Variants in CYB5RL observed in about 807,000 individuals in gnomAD.
The protein encoded by CYB5RL is cytochrome b5 reductase like, also known as NADH-cytochrome b5 reductase-like.
A neutral mutation model predicts 37.5 loss-of-function variants in CYB5RL; 38 were observed. The observed-to-expected ratio is 1.01, with a 90% confidence interval of 0.78 to 1.33. The LOEUF is 1.33. Among genes scored for constraint, CYB5RL ranks in the 40% most tolerant of loss-of-function variants. CYB5RL has a pLI of 0.00. For missense variants in CYB5RL, 388 were observed against 394.4 expected (o/e 0.98, Z 0.14); for synonymous variants, 141 against 151.9 (o/e 0.93, Z 0.53).
chr1:54,187,697 G>A lies in CYB5RL; in HGVS notation c.390C>T (p.Pro130=). Residue 130 remains proline (P), a synonymous_variant, in exon 5 of 8, where the codon CCC becomes CCT. Coordinates refer to ENST00000534324, the MANE Select transcript of CYB5RL (RefSeq NM_001031672.4). The stretch of plus-strand genomic sequence containing the variant: ...ATCCTTCTGCGTTGGCAGGGCTGAT[G>A]GGCGTATAGGCTCTCTGAATTTCTA... ...DDLEIQRAYT[P]ISPANAEGYF... is the part of the protein sequence containing the mutation. 2 of 1,613,992 alleles carry A rather than the reference G, an allele frequency of 1.2e-6. No homozygotes were observed. Among genetic ancestry groups the A allele is most frequent in the Admixed American group, 1.7e-5 (1 of 60,008 alleles).
In CYB5RL at chr1:54,194,169, A is replaced by T. The variant is rs183289596; in HGVS notation, c.198+1250T>A. ...GTGGATCACCTAAGTTCAGGAGTTC[A>T]AGACCAGCCTGGCCAACATGGTGAA... On this transcript the variant is annotated intron_variant, in intron 3 of 7. Coordinates refer to ENST00000534324, the MANE Select transcript of CYB5RL (RefSeq NM_001031672.4). 7.2e-4 allele frequency among the ~76,000 whole-genome samples: 109 copies of T among 151,220 alleles called. 1 individual carries two copies. In the East Asian group the frequency reaches 0.018, roughly 24 times the overall value.
chr1:54,198,027 CAAAAAAAAAAAAAAAAAAA>C (rs575486117), intron 1 of CYB5RL, among the ~76,000 whole-genome samples: 1 of 78,514 alleles, frequency 1.3e-5, no homozygotes, highest in Non-Finnish European at 2.5e-5. Flanking sequence ...GACTCTGTCT[CAAAAAAAAAAAAAAAAAAA>C]AAAAAAAAAA....
Position 54,174,613 on chromosome 1 carries a change from C to T in CYB5RL, c.*6G>A, listed in dbSNP as rs375961783. ...CATGGCCTAGGCTTTGGAAGAGAGGCCAGGGCTAGAAGAGGAAATAGGAGT... is the reference window on the plus strand; with the variant it reads ...CATGGCCTAGGCTTTGGAAGAGAGGTCAGGGCTAGAAGAGGAAATAGGAGT... On this transcript the variant is annotated 3_prime_UTR_variant, in exon 8 of 8. Transcript: ENST00000534324. 1.5e-4 allele frequency: 248 copies of T among 1,602,188 alleles called. No individual in the cohort carries two copies. The highest frequency in any genetic ancestry group is 1.6e-4 in the Non-Finnish European group (186 of 1,175,048).
intron 3 of CYB5RL, among the ~76,000 whole-genome samples, chr1:54,193,314 G>T (rs1202663751): frequency 6.6e-6 from 1 of 152,256 alleles, no homozygotes; most frequent in East Asian, 1.9e-4. Context: ...TTGGCAAGAA[G>T]ATGGACGATA....
At chr1:54,189,757 T>TGAACTTCTAG (rs1221408172) in intron 4 of CYB5RL, among the ~76,000 whole-genome samples, 6 of 152,082 alleles carry the variant, frequency 3.9e-5, no homozygotes, top group African/African-American at 1.4e-4. Context: ...ACTGGGATAG[T>TGAACTTCTAG]GAACTTCTAG....
chr1:54,188,690 C>T lies in CYB5RL; in HGVS notation c.348-951G>A, dbSNP rs945933834. Among the ~76,000 whole-genome samples, 16 of 152,314 alleles carry T rather than the reference C, an allele frequency of 1.1e-4. 1 individual carries two copies. The highest frequency in any genetic ancestry group is 3.8e-4 in the African/African-American group (16 of 41,578). ...GCTTAGAGAAGGGAAGTCACTTGCA[C>T]AGCTCAAATTCAATCACAGCTCTAA... On this transcript the variant is annotated intron_variant, in intron 4 of 7. Coordinates refer to ENST00000534324, the MANE Select transcript of CYB5RL (RefSeq NM_001031672.4).
At chr1:54,175,783 T>C (rs1335595048) in intron 7 of CYB5RL, 2 of 264,932 alleles carry the variant, frequency 7.5e-6, no homozygotes, top group Non-Finnish European at 8.0e-6. Context: ...TATTATAATT[T>C]AGAGATAATT....
chr1:54,190,013 C>T (rs942741772), intron 4 of CYB5RL, among the ~76,000 whole-genome samples: 5 of 152,364 alleles, frequency 3.3e-5, no homozygotes, highest in Admixed American at 1.3e-4. Flanking sequence ...TGCCACTCAG[C>T]TATGTGCCAA....
At chr1:54,176,879 G>T (rs1033695367) in intron 7 of CYB5RL, among the ~76,000 whole-genome samples, 1 of 152,164 alleles carries the variant, frequency 6.6e-6, no homozygotes, top group Non-Finnish European at 1.5e-5. Context: ...GGGGGCTCTA[G>T]GAAAGCTTCC....
chr1:54,199,375 T>A (rs1644052709), intron 1 of CYB5RL, among the ~76,000 whole-genome samples: 1 of 152,228 alleles, frequency 6.6e-6, no homozygotes. Context: ...AAACAGATGG[T>A]ACGGTAGTGT....
intron 1 of CYB5RL, among the ~76,000 whole-genome samples, chr1:54,197,281 AGCTGCTCATAAAC>A (rs1644016026): frequency 6.6e-6 from 1 of 151,396 alleles, no homozygotes; most frequent in Non-Finnish European, 1.5e-5. Flanking sequence ...TGCTCATAAA[AGCTGCTCATAAAC>A]ACTTTTCTTT....
rs1659930593 is a variant in CYB5RL, at chr1:54,173,016, A to C, written c.*1603T>G. ...ATAAGCTTGAAAAACTCTGGATTAAACAAAATGAAAGGAGTTTCTTTGCCA... is the reference window on the plus strand; with the variant it reads ...ATAAGCTTGAAAAACTCTGGATTAACCAAAATGAAAGGAGTTTCTTTGCCA... On this transcript the variant is annotated 3_prime_UTR_variant, in exon 8 of 8. Coordinates refer to ENST00000534324, the MANE Select transcript of CYB5RL (RefSeq NM_001031672.4). The C allele has an allele frequency of 6.6e-6, 1 of 152,170 alleles. No individual in the cohort carries two copies. Among genetic ancestry groups the C allele is most frequent in the Non-Finnish European group, 1.5e-5 (1 of 68,050 alleles). 9.4% of individuals were successfully genotyped at this position (152,170 alleles called of 1,614,324 possible). A position where few individuals can be genotyped will look rare whatever the true frequency, so the allele number is the denominator to read the frequency against.
chr1:54,178,301 G>C (rs138742762), intron 7 of CYB5RL, among the ~76,000 whole-genome samples: 2,967 of 152,240 alleles, frequency 0.019, 96 homozygotes, highest in Admixed American at 0.08. Flanking sequence ...GATGAGAATG[G>C]TACCCCACAG....
At chr1:54,183,215 C>G (rs12068369) in intron 6 of CYB5RL, among the ~76,000 whole-genome samples, 1 of 152,114 alleles carries the variant, frequency 6.6e-6, no homozygotes, top group African/African-American at 2.4e-5. Flanking sequence ...GTACCTGTAG[C>G]CCGGTTTACC....
intron 6 of CYB5RL, chr1:54,180,106 G>A (rs1459050086): frequency 6.9e-6 from 3 of 434,388 alleles, no homozygotes; most frequent in African/African-American, 2.0e-5. Flanking sequence ...GCGTGGTGGT[G>A]CACGCCTGTA....
chr1:54,180,974 C>G (rs749317345), intron 6 of CYB5RL, among the ~76,000 whole-genome samples: 1 of 152,126 alleles, frequency 6.6e-6, no homozygotes, highest in Non-Finnish European at 1.5e-5. Flanking sequence ...CATGATCATG[C>G]CACTGCACTC....
chr1:54,175,763 T>C (rs1660006267), intron 7 of CYB5RL: 1 of 305,066 alleles, frequency 3.3e-6, no homozygotes, highest in Non-Finnish European at 6.8e-6. Flanking sequence ...AACATTTACA[T>C]TGTATTAGGT....
intron 5 of CYB5RL, among the ~76,000 whole-genome samples, chr1:54,187,087 T>C (rs1478748526): frequency 6.6e-6 from 1 of 152,146 alleles, no homozygotes; most frequent in African/African-American, 2.4e-5. Context: ...AATTATTCTT[T>C]CCACATAATT....
At chr1:54,190,934 C>T (rs778105112) in intron 3 of CYB5RL, 38 bp from the exon 4 acceptor site, 1 of 1,597,786 alleles carries the variant, frequency 6.3e-7, no homozygotes, top group Non-Finnish European at 8.5e-7. Context: ...GAGGCCGGGG[C>T]TCCACAGACA....
Sources: allele counts gnomAD v4.1 joint callset (sites outside exome capture counted in the v4.1 genomes callset), GRCh38; gene constraint gnomAD v4.1.1; transcripts MANE v1.5; gene names NCBI Gene and HGNC (gene_info 2026-07-23, HGNC 2026-07-21).